SLIT3: variants seen among roughly 807,000 people sequenced by gnomAD.
SLIT3 encodes slit guidance ligand 3.
SLIT3 carries 68 observed loss-of-function variants against 184.0 expected under a neutral mutation model. That is an observed-to-expected ratio of 0.37 (90% confidence interval 0.30 to 0.45). The LOEUF is 0.45. Ranked by LOEUF, SLIT3 falls within the 20% of genes least tolerant of loss-of-function variation. The pLI is 1.00. For synonymous variants in SLIT3, 831 were observed against 828.6 expected, an observed-to-expected ratio of 1.00 and a Z score of -0.05; for missense variants, 1,707 against 2,026.0, an observed-to-expected ratio of 0.84 and a Z score of 3.02.
At chr5:168,684,926 G>A (rs1364644380) in intron 31 of SLIT3, among the ~76,000 whole-genome samples, 1 of 151,848 alleles carries the variant, frequency 6.6e-6, no homozygotes, top group Non-Finnish European at 1.5e-5. Context: ...TGCGGGTGGG[G>A]CCCAGGCAAA....
intron 5 of SLIT3, among the ~76,000 whole-genome samples, chr5:168,860,862 C>T (rs1486916271): frequency 6.6e-6 from 1 of 152,188 alleles, no homozygotes; most frequent in Non-Finnish European, 1.5e-5. Flanking sequence ...CCCAGCTTTC[C>T]CCTTGCTCCT....
chr5:168,803,057 T>A (rs1217583271), intron 9 of SLIT3, among the ~76,000 whole-genome samples: 1 of 152,226 alleles, frequency 6.6e-6, no homozygotes, highest in Non-Finnish European at 1.5e-5. Flanking sequence ...CTAGCTAGGA[T>A]GATCATTCTC....
rs1561924335 is a variant in SLIT3, at chr5:168,772,569, A to ATT, written c.1459+210_1459+211dup. 4 of 541,478 alleles carry ATT rather than the reference A, an allele frequency of 7.4e-6. No individual in the cohort carries two copies. The African/African-American group carries it at 8.2e-5, about 11-fold the overall frequency. 33.5% of individuals were successfully genotyped at this position (541,478 alleles called of 1,614,324 possible). On this transcript the variant is annotated intron_variant, in intron 14 of 35. Transcript: ENST00000519560. ...ACCGTCTCCTCCTCCCCATGCTTTT[A>ATT]TTGTGTGTGTGTGTGTGTGTGTGTG...
chr5:169,106,318 C>T (rs1004287865), intron 4 of SLIT3, among the ~76,000 whole-genome samples: 4 of 152,112 alleles, frequency 2.6e-5, no homozygotes, highest in African/African-American at 9.7e-5. Context: ...GGAGGGGAGA[C>T]CACAGAGCGA....
chr5:168,809,672 C>T (rs1757101701), intron 8 of SLIT3, among the ~76,000 whole-genome samples: 1 of 152,140 alleles, frequency 6.6e-6, no homozygotes, highest in Admixed American at 6.5e-5. Flanking sequence ...GTCTTAATCA[C>T]TGGTGTACTC....
At chr5:168,984,735 T>C (rs1439675322) in intron 4 of SLIT3, among the ~76,000 whole-genome samples, 2 of 152,176 alleles carry the variant, frequency 1.3e-5, no homozygotes, top group Non-Finnish European at 2.9e-5. Flanking sequence ...ACAAATGTAA[T>C]ATAAGGCTGA....
intron 1 of SLIT3, among the ~76,000 whole-genome samples, chr5:169,275,986 CATGTCTGTGTGT>C: frequency 6.6e-6 from 1 of 152,120 alleles, no homozygotes; most frequent in South Asian, 2.1e-4. Context: ...TGTCTGTGTG[CATGTCTGTGTGT>C]ATGTCAGTGT....
At chr5:168,739,650 C>T (rs1040199158) in intron 20 of SLIT3, among the ~76,000 whole-genome samples, 1 of 152,088 alleles carries the variant, frequency 6.6e-6, no homozygotes, top group Non-Finnish European at 1.5e-5. Flanking sequence ...GACGGGGTTT[C>T]TCCATTTTGG....
chr5:169,202,218 C>T (rs543243021), intron 3 of SLIT3, among the ~76,000 whole-genome samples: 3 of 152,038 alleles, frequency 2.0e-5, no homozygotes, highest in Admixed American at 6.6e-5. Flanking sequence ...TGCAACAGAA[C>T]AAGAGCCTAT....
chr5:169,000,106 A>G (rs1214489855), intron 4 of SLIT3, among the ~76,000 whole-genome samples: 2 of 152,188 alleles, frequency 1.3e-5, no homozygotes, highest in Admixed American at 6.5e-5. Context: ...TGCGATCATT[A>G]TTAAGAAGTT....
chr5:169,216,314 T>A (rs1299091774), intron 3 of SLIT3, among the ~76,000 whole-genome samples: 1 of 152,206 alleles, frequency 6.6e-6, no homozygotes, highest in Non-Finnish European at 1.5e-5. Context: ...AATGGATTCA[T>A]CTCTGCTCTG....
chr5:168,958,872 T>C (rs1762918992), intron 4 of SLIT3, among the ~76,000 whole-genome samples: 1 of 152,258 alleles, frequency 6.6e-6, no homozygotes, highest in African/African-American at 2.4e-5. Context: ...CTCCTTCCTA[T>C]CCATGGCTTA....
In SLIT3 at chr5:169,004,408, C is replaced by T. The variant is rs146703690; in HGVS notation, c.414-121072G>A. 2.2e-3 allele frequency among the ~76,000 whole-genome samples: 332 copies of T among 152,270 alleles called. 2 individuals carry two copies. The highest frequency in any genetic ancestry group is 7.7e-3 in the African/African-American group (321 of 41,570). ...TGGAGAAAATAAGGTCATTACAAGG[C>T]TTTTAAGATCAACCATAATAAACTC... On this transcript the variant is annotated intron_variant, in intron 4 of 35. Transcript: ENST00000519560.
chr5:168,806,500 C>T lies in SLIT3; in HGVS notation c.881G>A (p.Arg294Gln), dbSNP rs1415877188. The T allele has an allele frequency of 5.0e-6, 8 of 1,614,016 alleles. No individual in the cohort carries two copies. The highest frequency in any genetic ancestry group is 1.1e-5 in the South Asian group (1 of 91,078). ...AGGAATCTCCATCAAGCCCTTTCCT[C>T]GACAGTCCACGATGTTATTGCTGCA... The part of the protein sequence containing the change: ...CTCSNNIVDC[R>Q]GKGLMEIPAN... Residue 294 changes from arginine to glutamine, a missense_variant, in exon 9 of 36, where the codon CGA (arginine) becomes CAA (glutamine). Physicochemically the swap from Arg to Gln is conservative, Grantham distance 43 (BLOSUM62 1). Around this residue, in one of 3 missense-constraint regions of SLIT3, gnomAD observed 1,307 missense variants for 1,511.6 expected, o/e 0.86. Coordinates refer to ENST00000519560, the MANE Select transcript of SLIT3 (RefSeq NM_003062.4).
intron 26 of SLIT3, among the ~76,000 whole-genome samples, chr5:168,703,223 A>C (rs1809278): frequency 8.1e-6 from 1 of 122,908 alleles, no homozygotes. Context: ...CCCTCATCCC[A>C]CTTTGTGTGT....
At chr5:169,259,234 T>G (rs1368775869) in intron 1 of SLIT3, among the ~76,000 whole-genome samples, 1 of 151,440 alleles carries the variant, frequency 6.6e-6, no homozygotes, top group African/African-American at 2.5e-5. Flanking sequence ...AATTTTTGTA[T>G]TTTTAGTAGA....
At chr5:168,826,747 G>C (rs772209391) in intron 6 of SLIT3, among the ~76,000 whole-genome samples, 1 of 152,076 alleles carries the variant, frequency 6.6e-6, no homozygotes, top group East Asian at 1.9e-4. Context: ...CTGAGCTAAG[G>C]GTACTGCATT....
At chr5:168,751,849 T>C (rs1056289137) in intron 18 of SLIT3, among the ~76,000 whole-genome samples, 2 of 152,068 alleles carry the variant, frequency 1.3e-5, no homozygotes, top group Non-Finnish European at 2.9e-5. Flanking sequence ...GCGATTCTCC[T>C]GCCTCAGCCT....
At chr5:168,687,929 C>T (rs1270962479) in intron 29 of SLIT3, among the ~76,000 whole-genome samples, 2 of 152,342 alleles carry the variant, frequency 1.3e-5, no homozygotes, top group South Asian at 2.1e-4. Flanking sequence ...CAATCTGGCC[C>T]TTCCTAAAAG....
Sources: gnomAD v4.1 joint callset for allele counts (sites outside exome capture counted in the v4.1 genomes callset) on GRCh38, gnomAD v4.1.1 for gene constraint, gnomAD v4.1.1 regional missense constraint, MANE v1.5 for transcripts, NCBI Gene and HGNC (gene_info 2026-07-23, HGNC 2026-07-21) for gene names.